Variants in HPCAL1 observed in about 807,000 individuals in gnomAD.
The protein encoded by HPCAL1 is hippocalcin-like protein 1.
Under a neutral mutation model 17.1 loss-of-function variants are expected in HPCAL1, and 8 were observed. That is an observed-to-expected ratio of 0.47 (90% CI 0.27 to 0.84). The LOEUF is 0.84. Among genes scored for constraint, HPCAL1 ranks in the 40% least tolerant of loss-of-function variants. The pLI is 0.13. For missense variants in HPCAL1, 165 were observed against 271.1 expected (o/e 0.61, Z 2.75); for synonymous variants, 112 against 111.4 (o/e 1.01, Z -0.03).
At chr2:10,334,635 A>G (rs970984113) in intron 1 of HPCAL1, among the ~76,000 whole-genome samples, 1 of 152,028 alleles carries the variant, frequency 6.6e-6, no homozygotes, top group Non-Finnish European at 1.5e-5. Flanking sequence ...TGATACATAG[A>G]TGTGGTTCAT....
At chr2:10,405,063 C>A (rs1045134902) in intron 2 of HPCAL1, among the ~76,000 whole-genome samples, 1 of 152,232 alleles carries the variant, frequency 6.6e-6, no homozygotes, top group Non-Finnish European at 1.5e-5. Context: ...TTCCATTTCC[C>A]TTTATCCTCA....
chr2:10,398,825 C>T (rs1669234610), intron 2 of HPCAL1, among the ~76,000 whole-genome samples: 1 of 152,118 alleles, frequency 6.6e-6, no homozygotes, highest in Admixed American at 6.5e-5. Context: ...GGGCCTCAGC[C>T]TCAGGGTGCC....
At chr2:10,373,361 T>G (rs914904272) in intron 1 of HPCAL1, among the ~76,000 whole-genome samples, 1 of 152,144 alleles carries the variant, frequency 6.6e-6, no homozygotes, top group African/African-American at 2.4e-5. Context: ...CAGTTCATGA[T>G]GGCATGCTGC....
At chr2:10,348,369 A>G (rs981894720) in intron 1 of HPCAL1, among the ~76,000 whole-genome samples, 3 of 152,154 alleles carry the variant, frequency 2.0e-5, no homozygotes, top group Admixed American at 6.5e-5. Flanking sequence ...GAATCACTTG[A>G]ACTCAAGAGG....
At chr2:10,382,597 A>T (rs1198507695) in intron 1 of HPCAL1, among the ~76,000 whole-genome samples, 152 of 149,844 alleles carry the variant, frequency 1.0e-3, no homozygotes, top group African/African-American at 3.4e-3. Context: ...ATTAATTAAA[A>T]AAAAAAAAAA....
At chr2:10,306,400 C>T (rs1572600393) in intron 1 of HPCAL1, among the ~76,000 whole-genome samples, 1 of 152,260 alleles carries the variant, frequency 6.6e-6, no homozygotes, top group South Asian at 2.1e-4. Context: ...TCACACTCTA[C>T]TTTGGGGCTC....
intron 1 of HPCAL1, among the ~76,000 whole-genome samples, chr2:10,334,970 G>T (rs1572662757): frequency 6.6e-6 from 1 of 152,222 alleles, no homozygotes; most frequent in Non-Finnish European, 1.5e-5. Flanking sequence ...GAGCCACTGT[G>T]CCAGCCCCCA....
At chr2:10,369,402 C>T (rs552971056) in intron 1 of HPCAL1, among the ~76,000 whole-genome samples, 42 of 152,370 alleles carry the variant, frequency 2.8e-4, no homozygotes, top group Middle Eastern at 3.4e-3. Context: ...CCTTGCCTGT[C>T]TGCAGAATCC....
At chr2:10,336,676 C>T (rs888614380) in intron 1 of HPCAL1, among the ~76,000 whole-genome samples, 1 of 152,204 alleles carries the variant, frequency 6.6e-6, no homozygotes, top group Non-Finnish European at 1.5e-5. Context: ...GCTTTCAGAG[C>T]AGCCCCATCT....
Position 10,330,126 on chromosome 2 carries a change from G to A in HPCAL1, c.-111+26949G>A, listed in dbSNP as rs993686303. The A allele has an allele frequency of 1.0e-4, 15 of 150,502 alleles. No homozygotes were observed. Among genetic ancestry groups the A allele is most frequent in the Admixed American group, 3.3e-4 (5 of 15,128 alleles). The allele number at this position is 150,502 out of a possible 1,614,324, so 9.3% of individuals were successfully genotyped here. On this transcript the variant is annotated intron_variant, in intron 1 of 4. Transcript: ENST00000307845. This position sits in a 1 kb window ranked among gnomAD's most constrained non-coding sequence, Gnocchi z 4.2. ...TTTAGAGACTATGCACAATTTATGT[G>A]GCAAGCTAGAGATGCTTTCTTTTTC... is the stretch of plus-strand genomic sequence containing the variant.
chr2:10,383,084 T>G (rs149428204), intron 1 of HPCAL1, among the ~76,000 whole-genome samples: 126 of 152,144 alleles, frequency 8.3e-4, no homozygotes, highest in Admixed American at 5.4e-3. Context: ...AGTCAAAAGG[T>G]GAATCTGGCT....
At chr2:10,319,547 C>T (rs1663534735) in intron 1 of HPCAL1, among the ~76,000 whole-genome samples, 2 of 80,084 alleles carry the variant, frequency 2.5e-5, no homozygotes, top group Admixed American at 2.0e-4. Context: ...ATCACCTTTT[C>T]AGGGGATGAT....
At chr2:10,426,557 T>A in intron 4 of HPCAL1, 167 bp from the exon 5 acceptor site, 1 of 644,380 alleles carries the variant, frequency 1.6e-6, no homozygotes, top group South Asian at 1.9e-5. Flanking sequence ...GGATTTTTTT[T>A]CAGAAATGCC....
At chr2:10,349,561 G>A (rs1400893743) in intron 1 of HPCAL1, among the ~76,000 whole-genome samples, 3 of 151,424 alleles carry the variant, frequency 2.0e-5, no homozygotes, top group Non-Finnish European at 4.4e-5. Context: ...AAATTAGCTG[G>A]GCGTGGTGGC....
At chr2:10,360,128 G>C (rs1213690814) in intron 1 of HPCAL1, among the ~76,000 whole-genome samples, 2 of 152,166 alleles carry the variant, frequency 1.3e-5, no homozygotes, top group Non-Finnish European at 2.9e-5. Context: ...ATTCCCCCTG[G>C]GTAGAGCGTG....
At chr2:10,315,589 T>A (rs759603726) in intron 1 of HPCAL1, among the ~76,000 whole-genome samples, 1 of 152,262 alleles carries the variant, frequency 6.6e-6, no homozygotes, top group African/African-American at 2.4e-5. Context: ...TTAGACTGGC[T>A]GGCATCCATA....
intron 1 of HPCAL1, among the ~76,000 whole-genome samples, chr2:10,305,363 G>T (rs1395823565): frequency 6.6e-6 from 1 of 152,154 alleles, no homozygotes; most frequent in Non-Finnish European, 1.5e-5. Context: ...TTTGGCCTTA[G>T]ATCTATTTCT....
rs369288761 is a variant in HPCAL1, at chr2:10,352,058, A to G, written c.-110-44777A>G. Among the ~76,000 whole-genome samples the G allele has an allele frequency of 3.9e-5, 6 of 151,948 alleles. 1 individual carries two copies. ...GCTGGGATTACAGGTGCGTACCACC[A>G]CACCTGGCTAATTTTTGTATTTTTA... On this transcript the variant is annotated intron_variant, in intron 1 of 4. Coordinates refer to ENST00000307845, the MANE Select transcript of HPCAL1 (RefSeq NM_002149.4).
At chr2:10,420,885 C>T (rs1469387160) in intron 3 of HPCAL1, among the ~76,000 whole-genome samples, 1 of 152,210 alleles carries the variant, frequency 6.6e-6, no homozygotes, top group Non-Finnish European at 1.5e-5. Flanking sequence ...CTCAGCCTCC[C>T]ATGTAGCTGG....
Sources: allele counts gnomAD v4.1 joint callset (sites outside exome capture counted in the v4.1 genomes callset), GRCh38; gene constraint gnomAD v4.1.1; non-coding constraint Gnocchi (gnomAD v3.1); transcripts MANE v1.5; gene names NCBI Gene and HGNC (gene_info 2026-07-23, HGNC 2026-07-21).